The following ZNF438 variants were observed in gnomAD, a reference collection of about 807,000 sequenced individuals.
ZNF438 encodes zinc finger protein 438.
In ZNF438, 25 loss-of-function variants were observed where a neutral mutation model predicts 38.0. The observed-to-expected ratio is 0.66, with a 90% CI of 0.48 to 0.92. The LOEUF is 0.92. ZNF438 is among the 40% of genes least tolerant of loss of function. ZNF438 has a pLI of 0.00. For synonymous variants in ZNF438, 372 were observed against 364.1 expected, an observed-to-expected ratio of 1.02 and a Z score of -0.25; for missense variants, 1,007 against 999.6, an observed-to-expected ratio of 1.01 and a Z score of -0.10.
rs1018924465 is a variant in ZNF438, at chr10:30,957,164, T to C, written c.-191-15513A>G. Among the ~76,000 whole-genome samples the C allele has an allele frequency of 3.3e-5, 5 of 152,238 alleles. No homozygotes were observed. The East Asian group carries it at 9.6e-4, about 29-fold the overall frequency. ...TAGTGATGTTGAACATTTTTTCATA[T>C]GTCTGTTGCCATTTGCATGTCTTCT... On this transcript the variant is annotated intron_variant, in intron 1 of 5. Coordinates refer to ENST00000413025, the Ensembl canonical transcript of ZNF438.
intron 1 of ZNF438, among the ~76,000 whole-genome samples, chr10:31,019,697 T>C (rs1449488944): frequency 6.6e-6 from 1 of 152,248 alleles, no homozygotes; most frequent in Non-Finnish European, 1.5e-5. Context: ...ATATACAGGA[T>C]GCCCCACTGA....
chr10:30,984,223 G>A (rs2052524059), intron 1 of ZNF438, 146 bp downstream of exon 2: 1 of 152,140 alleles, frequency 6.6e-6, no homozygotes, highest in Non-Finnish European at 1.5e-5. Flanking sequence ...TCATGTAAAT[G>A]TGATATTTCT....
In ZNF438 at chr10:30,971,588, A is replaced by G. The variant is rs546705808; in HGVS notation, c.-191-29937T>C. Among the ~76,000 whole-genome samples the G allele has an allele frequency of 3.3e-5, 5 of 152,328 alleles. No homozygotes were observed. In the South Asian group the frequency reaches 8.3e-4, roughly 25 times the overall value. On this transcript the variant is annotated intron_variant, in intron 1 of 5. Transcript: ENST00000413025. Reference sequence around the variant, plus strand: ...CTGTAAATAATTTTATTTTAAAAAGAAAAATCATAGTTTCTTCAATTCCAT... The same window carrying G: ...CTGTAAATAATTTTATTTTAAAAAGGAAAATCATAGTTTCTTCAATTCCAT...
chr10:30,974,981 T>A (rs914891859), intron 1 of ZNF438, among the ~76,000 whole-genome samples: 1 of 152,146 alleles, frequency 6.6e-6, no homozygotes, highest in Non-Finnish European at 1.5e-5. Flanking sequence ...CCTAACCTGA[T>A]AATCCTGGAG....
chr10:30,993,145 G>T (rs926183478), intron 1 of ZNF438, among the ~76,000 whole-genome samples: 5 of 152,202 alleles, frequency 3.3e-5, no homozygotes, highest in African/African-American at 1.2e-4. Flanking sequence ...CAAGAATGTG[G>T]CCTAGCAACC....
rs1426170965 is a variant in ZNF438, at chr10:30,863,762, C to A, written c.37+13236G>T. ...CAGAGCCGGCCTCCTGGCTGAGCAT[C>A]CACACGCACTCCCCTCATATTGTAG... is the stretch of plus-strand genomic sequence containing the variant. On this transcript the variant is annotated intron_variant, in intron 4 of 5. Transcript: ENST00000413025. 2.6e-5 allele frequency among the ~76,000 whole-genome samples: 4 copies of A among 152,180 alleles called. No individual in the cohort carries two copies. In the East Asian group the frequency reaches 7.7e-4, roughly 29 times the overall value.
intron 1 of ZNF438, among the ~76,000 whole-genome samples, chr10:31,008,775 C>T (rs1396863207): frequency 6.6e-6 from 1 of 152,152 alleles, no homozygotes; most frequent in Non-Finnish European, 1.5e-5. Flanking sequence ...GTTTTCATTT[C>T]TCTTGCACAG....
intron 1 of ZNF438, among the ~76,000 whole-genome samples, chr10:30,949,730 C>G (rs1322357282): frequency 1.3e-5 from 2 of 151,926 alleles, no homozygotes; most frequent in East Asian, 1.9e-4. Context: ...AATACAGGAG[C>G]ACCCAGATTC....
intron 1 of ZNF438, among the ~76,000 whole-genome samples, chr10:30,989,011 A>G (rs929754383): frequency 1.3e-5 from 2 of 152,218 alleles, no homozygotes; most frequent in African/African-American, 4.8e-5. Flanking sequence ...AGGCCTCAAC[A>G]GCTAAGATAA....
At chr10:30,964,976 A>T (rs193128870) in intron 1 of ZNF438, among the ~76,000 whole-genome samples, 1 of 152,350 alleles carries the variant, frequency 6.6e-6, no homozygotes, top group East Asian at 1.9e-4. Context: ...GCTTTTGCAC[A>T]GCAAAAGAAC....
intron 4 of ZNF438, among the ~76,000 whole-genome samples, chr10:30,859,599 C>T (rs1320730814): frequency 6.6e-6 from 1 of 152,168 alleles, no homozygotes; most frequent in African/African-American, 2.4e-5. Flanking sequence ...GTGGCTTTGG[C>T]ACTTCACTCT....
In ZNF438 at chr10:30,875,293, C is replaced by T. The variant is rs986177053; in HGVS notation, c.37+1705G>A. On this transcript the variant is annotated intron_variant, in intron 4 of 5. Coordinates refer to ENST00000413025, the Ensembl canonical transcript of ZNF438. ...CTTTCTCCCTCTGTATCAGCCAGAG[C>T]CAAGCAGCTTGTTGCTTAGTTACTC... 13 of 985,260 alleles carry T rather than the reference C, an allele frequency of 1.3e-5. No individual in the cohort carries two copies. In the African/African-American group the frequency reaches 1.7e-4, roughly 13 times the overall value. 61.0% of individuals were successfully genotyped at this position (985,260 alleles called of 1,614,324 possible). A position where few individuals can be genotyped will look rare whatever the true frequency, so the allele number is the denominator to read the frequency against.
Position 30,948,382 on chromosome 10 carries a change from G to A in ZNF438, c.-191-6731C>T, listed in dbSNP as rs371892675. On this transcript the variant is annotated intron_variant, in intron 1 of 5. Coordinates refer to ENST00000413025, the Ensembl canonical transcript of ZNF438. The stretch of plus-strand genomic sequence containing the variant: ...AGGAACGCAGTTCCTCACCAGCAAC[G>A]GAACAAAGCTGGATGGAGAATGACT... Among the ~76,000 whole-genome samples, 7 of 152,254 alleles carry A rather than the reference G, an allele frequency of 4.6e-5. No homozygotes were observed. The East Asian group carries it at 7.7e-4, about 17-fold the overall frequency.
chr10:30,897,023 A>G (rs925247530), intron 3 of ZNF438, among the ~76,000 whole-genome samples: 2 of 152,214 alleles, frequency 1.3e-5, no homozygotes, highest in Non-Finnish European at 2.9e-5. Context: ...GTAAAGAAAA[A>G]TGATAAAACT....
chr10:30,848,480 C>A, intron 5 of ZNF438, 51 bp downstream of exon 6: 1 of 1,548,474 alleles, frequency 6.5e-7, no homozygotes, highest in Admixed American at 2.0e-5. Flanking sequence ...TCCCCTCTTC[C>A]CCAAATCAAA....
chr10:30,993,520 G>C (rs903084077), intron 1 of ZNF438, among the ~76,000 whole-genome samples: 1 of 152,238 alleles, frequency 6.6e-6, no homozygotes, highest in Non-Finnish European at 1.5e-5. Context: ...GAATGTAACA[G>C]AAGTGGGGCT....
At chr10:30,998,155 G>A (rs955992787) in intron 1 of ZNF438, among the ~76,000 whole-genome samples, 18 of 152,096 alleles carry the variant, frequency 1.2e-4, no homozygotes, top group African/African-American at 4.3e-4. Flanking sequence ...GAGAGTTTCA[G>A]CCTAAAGTTT....
chr10:31,006,682 T>C (rs1045020968), intron 1 of ZNF438, among the ~76,000 whole-genome samples: 50 of 147,568 alleles, frequency 3.4e-4, no homozygotes, highest in Non-Finnish European at 2.8e-4. Flanking sequence ...CCTGAAGATA[T>C]GGGATCTGAC....
chr10:30,864,858 C>T (rs1034496789), intron 4 of ZNF438, among the ~76,000 whole-genome samples: 1 of 152,198 alleles, frequency 6.6e-6, no homozygotes, highest in Non-Finnish European at 1.5e-5. Context: ...TTTTGAACAA[C>T]TAAAATGCCC....
Sources: gnomAD v4.1 joint callset for allele counts (sites outside exome capture counted in the v4.1 genomes callset) on GRCh38, gnomAD v4.1.1 for gene constraint, MANE v1.5 for transcripts, NCBI Gene and HGNC (gene_info 2026-07-23, HGNC 2026-07-21) for gene names.